The following FNIP1 variants were observed in gnomAD, a reference collection of about 807,000 sequenced individuals.
FNIP1 encodes the protein folliculin interacting protein 1, also known as folliculin-interacting protein 1.
A neutral mutation model predicts 124.5 loss-of-function variants in FNIP1; 40 were observed. That is an observed-to-expected ratio of 0.32 (90% confidence interval 0.25 to 0.42). The LOEUF is 0.42. Among genes scored for constraint, FNIP1 ranks in the 10% least tolerant of loss-of-function variants. The probability of loss-of-function intolerance (pLI) is 1.00; values close to 1 mark genes in which losing one functional copy is unlikely to be tolerated. For synonymous variants in FNIP1, 472 were observed against 470.6 expected (o/e 1.00, Z -0.04); for missense variants, 1,176 against 1,403.7 (o/e 0.84, Z 2.59).
intron 15 of FNIP1, among the ~76,000 whole-genome samples, chr5:131,654,204 C>G (rs1767126264): frequency 6.6e-6 from 1 of 152,148 alleles, no homozygotes; most frequent in Non-Finnish European, 1.5e-5. Flanking sequence ...CCAAAAATGA[C>G]AATTAAGTAC....
At chr5:131,676,170 G>A (rs1190391188) in intron 13 of FNIP1, among the ~76,000 whole-genome samples, 3 of 151,856 alleles carry the variant, frequency 2.0e-5, no homozygotes, top group African/African-American at 4.8e-5. Context: ...CCACCACCAC[G>A]CCCAGCTAAT....
intron 10 of FNIP1, among the ~76,000 whole-genome samples, chr5:131,701,177 A>C (rs1300417674): frequency 6.6e-6 from 1 of 151,926 alleles, no homozygotes; most frequent in Non-Finnish European, 1.5e-5. Context: ...TACGTTGCAC[A>C]CTCTTATGAG....
intron 6 of FNIP1, among the ~76,000 whole-genome samples, chr5:131,714,667 T>G (rs1769408498): frequency 6.6e-6 from 1 of 152,226 alleles, no homozygotes; most frequent in East Asian, 1.9e-4. Context: ...CACTGCTTCT[T>G]CATAGAACAT....
At chr5:131,690,223 A>T (rs1426934751) in intron 11 of FNIP1, among the ~76,000 whole-genome samples, 5 of 152,246 alleles carry the variant, frequency 3.3e-5, no homozygotes, top group South Asian at 2.1e-4. Context: ...ACTCCATCTC[A>T]AAAATAAAAT....
At chr5:131,719,213 G>C in intron 4 of FNIP1, 104 bp downstream of exon 4, 1 of 1,182,348 alleles carries the variant, frequency 8.5e-7, no homozygotes, top group Non-Finnish European at 1.2e-6. Flanking sequence ...GTTAAATGGA[G>C]TATGACAAGC....
At chr5:131,686,861 G>T (rs1370664143) in intron 11 of FNIP1, among the ~76,000 whole-genome samples, 1 of 151,838 alleles carries the variant, frequency 6.6e-6, no homozygotes, top group Non-Finnish European at 1.5e-5. Flanking sequence ...CACCAAGCTT[G>T]GCCCCTGAAT....
At chr5:131,742,005 G>C (rs908443035) in intron 2 of FNIP1, among the ~76,000 whole-genome samples, 1 of 152,138 alleles carries the variant, frequency 6.6e-6, no homozygotes, top group Admixed American at 6.5e-5. Flanking sequence ...TAGCAGGACA[G>C]ATGGACGCTG....
intron 3 of FNIP1, 91 bp from the exon 4 acceptor site, chr5:131,719,508 T>C: frequency 8.9e-7 from 1 of 1,123,600 alleles, no homozygotes; most frequent in African/African-American, 1.6e-5. Context: ...CTTGATATAG[T>C]TATTCTACAT....
intron 15 of FNIP1, among the ~76,000 whole-genome samples, chr5:131,669,272 C>A (rs1331157101): frequency 6.6e-6 from 1 of 151,992 alleles, no homozygotes; most frequent in Non-Finnish European, 1.5e-5. Context: ...TTCTACCAAA[C>A]GTTTAGAGAA....
At chr5:131,761,713 C>G (rs1771237237) in intron 1 of FNIP1, among the ~76,000 whole-genome samples, 2 of 151,866 alleles carry the variant, frequency 1.3e-5, no homozygotes, top group African/African-American at 4.8e-5. Flanking sequence ...TCAATGCAAT[C>G]CCTTTCAAAA....
chr5:131,652,029 T>A, intron 15 of FNIP1, 30 bp from the exon 16 acceptor site: 1 of 1,584,718 alleles, frequency 6.3e-7, no homozygotes, highest in Non-Finnish European at 8.6e-7. Flanking sequence ...TCATCTTATG[T>A]TTAGCAAATG....
chr5:131,730,602 T>C (rs2149549774), intron 3 of FNIP1, among the ~76,000 whole-genome samples: 1 of 152,348 alleles, frequency 6.6e-6, no homozygotes, highest in South Asian at 2.1e-4. Context: ...ATTAGTATAT[T>C]TATCTTCATT....
intron 17 of FNIP1, among the ~76,000 whole-genome samples, chr5:131,645,205 C>T (rs970583162): frequency 6.6e-6 from 1 of 151,724 alleles, no homozygotes; most frequent in African/African-American, 2.4e-5. Context: ...GCCCGTGGTA[C>T]CAGCTACTCT....
chr5:131,670,014 T>C (rs1214293482), intron 15 of FNIP1, among the ~76,000 whole-genome samples: 2 of 151,916 alleles, frequency 1.3e-5, no homozygotes, highest in East Asian at 3.9e-4. Flanking sequence ...CATGAGCCTG[T>C]GTGTAGAAAA....
At chr5:131,654,163 T>C (rs1484070659) in intron 15 of FNIP1, among the ~76,000 whole-genome samples, 1 of 152,224 alleles carries the variant, frequency 6.6e-6, no homozygotes, top group Non-Finnish European at 1.5e-5. Context: ...TATGGCTATG[T>C]CCTTACCTTC....
chr5:131,663,129 G>T (rs1767492889), intron 15 of FNIP1, among the ~76,000 whole-genome samples: 1 of 152,114 alleles, frequency 6.6e-6, no homozygotes. Context: ...CTTAGTTAAG[G>T]CTTATTGATT....
chr5:131,703,575 A>G (rs1768973884), intron 10 of FNIP1, among the ~76,000 whole-genome samples: 1 of 152,196 alleles, frequency 6.6e-6, no homozygotes, highest in East Asian at 1.9e-4. Context: ...CCTGCCTGGA[A>G]TATCTCGTTC....
At position 131,672,321 on chromosome 5, in the gene FNIP1, C is replaced by T. The variant is rs747482283; in HGVS notation, c.2123G>A (p.Ser708Asn). Reference protein sequence around the residue: ...GLESTEETWQSEKLLDSDSHT... With the variant: ...GLESTEETWQNEKLLDSDSHT... The stretch of plus-strand genomic sequence containing the variant: ...ACTGTCTGAATCCAGCAACTTCTCA[C>T]TCTGCCATGTTTCCTCTGTTGACTC... The change falls in exon 14 of 18, where the codon AGT becomes AAT. Residue 708 changes from serine to asparagine, a missense_variant. By Grantham distance (46) the Ser-to-Asn change is conservative (BLOSUM62 1). Around this residue, in one of 2 missense-constraint regions of FNIP1, gnomAD observed 1,109 missense variants for 1,288.5 expected, o/e 0.86. Transcript: ENST00000510461. 8.1e-6 allele frequency: 13 copies of T among 1,614,198 alleles called. No individual in the cohort carries two copies. The East Asian group carries it at 2.9e-4, about 36-fold the overall frequency.
chr5:131,789,845 C>T (rs1476617776), intron 1 of FNIP1, among the ~76,000 whole-genome samples: 1 of 151,148 alleles, frequency 6.6e-6, no homozygotes, highest in Non-Finnish European at 1.5e-5. Context: ...GGGCGAAGCC[C>T]TCCGTCCTTT....
Sources: allele counts gnomAD v4.1 joint callset (sites outside exome capture counted in the v4.1 genomes callset), GRCh38; gene constraint gnomAD v4.1.1; regional missense constraint gnomAD v4.1.1; transcripts MANE v1.5; gene names NCBI Gene and HGNC (gene_info 2026-07-23, HGNC 2026-07-21).